Variants in SEMA5A observed in about 807,000 individuals in gnomAD.
SEMA5A encodes semaphorin 5A, also known as semaphorin-5A.
SEMA5A carries 55 observed loss-of-function variants against 135.5 expected under a neutral mutation model. The observed-to-expected ratio is 0.41, with a 90% CI of 0.33 to 0.51. The LOEUF is 0.51. SEMA5A is among the 20% of genes least tolerant of loss of function. SEMA5A has a pLI of 0.37. For missense variants in SEMA5A, 1,290 were observed against 1,419.9 expected (o/e 0.91, Z 1.47); for synonymous variants, 580 against 546.5 (o/e 1.06, Z -0.85).
chr5:9,426,767 A>G (rs535544525), intron 2 of SEMA5A, among the ~76,000 whole-genome samples: 1 of 152,360 alleles, frequency 6.6e-6, no homozygotes, highest in South Asian at 2.1e-4. Flanking sequence ...AAACAAGAAT[A>G]ACTTTGTACA....
intron 14 of SEMA5A, among the ~76,000 whole-genome samples, chr5:9,121,075 G>T (rs1245756078): frequency 6.6e-6 from 1 of 152,248 alleles, no homozygotes; most frequent in African/African-American, 2.4e-5. Context: ...ACCATGCCAG[G>T]CCACAAATGT....
chr5:9,377,576 T>C (rs974968636), intron 3 of SEMA5A, among the ~76,000 whole-genome samples: 2 of 151,762 alleles, frequency 1.3e-5, no homozygotes, highest in African/African-American at 4.8e-5. Context: ...ATTTTAAAGA[T>C]TTTTCAATAA....
chr5:9,209,636 G>A (rs1039961608), intron 8 of SEMA5A, among the ~76,000 whole-genome samples: 4 of 152,182 alleles, frequency 2.6e-5, no homozygotes, highest in African/African-American at 9.7e-5. Flanking sequence ...ATAAGCTACT[G>A]TAGAATAAGG....
intron 2 of SEMA5A, 64 bp from the exon 3 acceptor site, chr5:9,380,087 G>A (rs1755532008): frequency 2.8e-6 from 3 of 1,084,300 alleles, no homozygotes; most frequent in South Asian, 1.7e-5. Context: ...GTGGTCTTCT[G>A]GTAAAACTTC....
chr5:9,325,708 G>A (rs1048435722), intron 4 of SEMA5A, among the ~76,000 whole-genome samples: 87 of 152,168 alleles, frequency 5.7e-4, no homozygotes, highest in African/African-American at 2.0e-3. Flanking sequence ...TTCATCTAGA[G>A]ACACTATAAA....
At chr5:9,482,256 G>A (rs1759906173) in intron 1 of SEMA5A, among the ~76,000 whole-genome samples, 2 of 152,142 alleles carry the variant, frequency 1.3e-5, no homozygotes, top group South Asian at 4.2e-4. Context: ...TCTATAGCAT[G>A]TGTCCAAATG....
chr5:9,404,626 G>A (rs1280914777), intron 2 of SEMA5A, among the ~76,000 whole-genome samples: 1 of 152,184 alleles, frequency 6.6e-6, no homozygotes, highest in African/African-American at 2.4e-5. Flanking sequence ...TTGCAATACT[G>A]AGTGATTAGG....
At chr5:9,110,537 A>G (rs1051876001) in intron 15 of SEMA5A, among the ~76,000 whole-genome samples, 11 of 152,222 alleles carry the variant, frequency 7.2e-5, no homozygotes, top group African/African-American at 2.7e-4. Flanking sequence ...TGAAAGTACA[A>G]TATGGCAACT....
At chr5:9,400,500 C>CTTTTTTTTTTTTTTTTTTTTTTT (rs1176889691) in intron 2 of SEMA5A, among the ~76,000 whole-genome samples, 1 of 85,412 alleles carries the variant, frequency 1.2e-5, no homozygotes, top group African/African-American at 4.8e-5. Flanking sequence ...ACACAATGTA[C>CTTTTTTTTTTTTTTTTTTTTTTT]ATTTTTTTTT....
At chr5:9,368,454 T>G (rs989637852) in intron 3 of SEMA5A, among the ~76,000 whole-genome samples, 4 of 152,332 alleles carry the variant, frequency 2.6e-5, no homozygotes, top group Admixed American at 2.6e-4. Flanking sequence ...AATGTAAAAT[T>G]TAATGACTTT....
intron 2 of SEMA5A, chr5:9,422,421 A>T (rs543836496): frequency 1.3e-5 from 2 of 152,256 alleles, no homozygotes; most frequent in Non-Finnish European, 2.9e-5. Flanking sequence ...CATCCGGAGA[A>T]GAAGCATCAT....
rs183665230 is a variant in SEMA5A, at chr5:9,379,790, C to T, written c.124+33G>A. Reference sequence around the variant, plus strand: ...AAACACAGAATGTGCATTTAGATGACGGCTTTGCAATCAGTGCGTGCTGGT... The same window carrying T: ...AAACACAGAATGTGCATTTAGATGATGGCTTTGCAATCAGTGCGTGCTGGT... On this transcript the variant is annotated intron_variant, in intron 3 of 22. Coordinates refer to ENST00000382496, the MANE Select transcript of SEMA5A (RefSeq NM_003966.3). 467 of 1,601,482 alleles carry T rather than the reference C, an allele frequency of 2.9e-4. 1 individual carries two copies. The highest frequency in any genetic ancestry group is 2.5e-3 in the African/African-American group (185 of 74,330).
intron 1 of SEMA5A, among the ~76,000 whole-genome samples, chr5:9,457,812 C>A (rs1358075757): frequency 6.7e-6 from 1 of 149,998 alleles, no homozygotes; most frequent in Non-Finnish European, 1.5e-5. Flanking sequence ...CCTTTTGGGG[C>A]TACATGTTTT....
chr5:9,459,596 C>T (rs2126725860), intron 1 of SEMA5A, among the ~76,000 whole-genome samples: 1 of 152,310 alleles, frequency 6.6e-6, no homozygotes, highest in Non-Finnish European at 1.5e-5. Flanking sequence ...AAGCCCCAGT[C>T]AACTGTCCTT....
Position 9,369,021 on chromosome 5 carries a change from A to G in SEMA5A, c.124+10802T>C, listed in dbSNP as rs866822599. On this transcript the variant is annotated intron_variant, in intron 3 of 22. Transcript: ENST00000382496. ...GCATCATCATCCTGCATTATTAACA[A>G]CAAAACAAGAGGTCCAGTTGTGCCA... is the stretch of plus-strand genomic sequence containing the variant. 2.2e-4 allele frequency among the ~76,000 whole-genome samples: 34 copies of G among 152,316 alleles called. 1 individual carries two copies. Among genetic ancestry groups the G allele is most frequent in the Middle Eastern group, 3.4e-3 (1 of 294 alleles).
At chr5:9,297,531 T>A (rs1354284407) in intron 5 of SEMA5A, among the ~76,000 whole-genome samples, 5 of 152,102 alleles carry the variant, frequency 3.3e-5, no homozygotes, top group African/African-American at 4.8e-5. Context: ...CCTTCAGAAC[T>A]GTGAGCAATA....
At chr5:9,105,628 C>CGGATG (rs1389182231) in intron 16 of SEMA5A, among the ~76,000 whole-genome samples, 6 of 152,210 alleles carry the variant, frequency 3.9e-5, no homozygotes, top group Middle Eastern at 3.4e-3. Flanking sequence ...CCAGACCTTA[C>CGGATG]GGATGGCACC....
intron 6 of SEMA5A, among the ~76,000 whole-genome samples, chr5:9,235,379 T>C (rs1214138025): frequency 1.3e-5 from 2 of 152,250 alleles, no homozygotes; most frequent in Non-Finnish European, 1.5e-5. Flanking sequence ...CAGGTCAATG[T>C]CTGGCAATGT....
At chr5:9,416,441 GC>G (rs1757286854) in intron 2 of SEMA5A, among the ~76,000 whole-genome samples, 2 of 152,144 alleles carry the variant, frequency 1.3e-5, no homozygotes, top group Non-Finnish European at 2.9e-5. Flanking sequence ...GTGGAGGTGA[GC>G]CTCTGGTGGG....
Sources: allele counts gnomAD v4.1 joint callset (sites outside exome capture counted in the v4.1 genomes callset), GRCh38; gene constraint gnomAD v4.1.1; transcripts MANE v1.5; gene names NCBI Gene and HGNC (gene_info 2026-07-23, HGNC 2026-07-21).